ARFGEF1: variants seen among roughly 807,000 people sequenced by gnomAD.
ARFGEF1 encodes the protein ARF guanine nucleotide exchange factor 1.
A neutral mutation model predicts 231.0 loss-of-function variants in ARFGEF1; 42 were observed. The ratio of observed to expected loss-of-function variants is 0.18; its 90% CI spans 0.14 to 0.24. ARFGEF1 has a LOEUF of 0.24. Ranked by LOEUF, ARFGEF1 falls within the 10% of genes least tolerant of loss-of-function variation. ARFGEF1 has a pLI of 1.00. For missense variants in ARFGEF1, 1,345 were observed against 2,192.0 expected (o/e 0.61, Z 7.72); for synonymous variants, 710 against 732.3 (o/e 0.97, Z 0.49).
intron 1 of ARFGEF1, among the ~76,000 whole-genome samples, chr8:67,316,078 GAA>G (rs911930459): frequency 5.9e-5 from 9 of 152,152 alleles, no homozygotes; most frequent in African/African-American, 1.7e-4. Flanking sequence ...CCAACAAGAG[GAA>G]AGAAAAAATA....
intron 1 of ARFGEF1, among the ~76,000 whole-genome samples, chr8:67,341,840 G>A (rs888750952): frequency 1.3e-5 from 2 of 152,086 alleles, no homozygotes; most frequent in African/African-American, 4.8e-5. Context: ...ATAACAAAAT[G>A]CAAACTTCTG....
intron 5 of ARFGEF1, among the ~76,000 whole-genome samples, chr8:67,188,915 C>G (rs1387637354): frequency 1.3e-5 from 2 of 152,210 alleles, no homozygotes; most frequent in Non-Finnish European, 2.9e-5. Context: ...CCGCATGGCC[C>G]AAGATTCCAT....
chr8:67,315,801 C>T (rs749448415), intron 1 of ARFGEF1, among the ~76,000 whole-genome samples: 16 of 151,690 alleles, frequency 1.1e-4, no homozygotes, highest in South Asian at 2.1e-4. Context: ...AAAAATATAA[C>T]AAATTTTATG....
intron 7 of ARFGEF1, among the ~76,000 whole-genome samples, chr8:67,280,966 G>A (rs928683326): frequency 6.6e-6 from 1 of 151,844 alleles, no homozygotes; most frequent in African/African-American, 2.4e-5. Flanking sequence ...GTTCCAGTTA[G>A]TATAGTCAGT....
At chr8:67,228,805 C>G (rs898662731) in intron 23 of ARFGEF1, among the ~76,000 whole-genome samples, 1 of 152,038 alleles carries the variant, frequency 6.6e-6, no homozygotes, top group African/African-American at 2.4e-5. Flanking sequence ...TGGAGTTAAG[C>G]TAACACTGCC....
At position 67,216,472 on chromosome 8, in the gene ARFGEF1, CAG is replaced by C. The variant is rs546479113; in HGVS notation, c.4686+116_4686+117del. ...TGTCTATTTATAAGTAATCCAGTCT[CAG>C]ATATTTTTTTAATAGCAGGAATGGA... is the stretch of plus-strand genomic sequence containing the variant. On this transcript the variant is annotated intron_variant, in intron 33 of 38. Coordinates refer to ENST00000262215, the MANE Select transcript of ARFGEF1 (RefSeq NM_006421.5). 4.4e-6 allele frequency: 4 copies of C among 909,760 alleles called. No homozygotes were observed. In the East Asian group the frequency reaches 9.3e-5, roughly 21 times the overall value. 56.4% of individuals were successfully genotyped at this position (909,760 alleles called of 1,614,324 possible). A position where few individuals can be genotyped will look rare whatever the true frequency, so the allele number is the denominator to read the frequency against.
intron 22 of ARFGEF1, among the ~76,000 whole-genome samples, chr8:67,236,883 C>T (rs781425836): frequency 2.6e-5 from 4 of 152,246 alleles, no homozygotes; most frequent in African/African-American, 7.2e-5. Context: ...CTAAGTAGCA[C>T]AGTACATGAA....
intron 1 of ARFGEF1, among the ~76,000 whole-genome samples, chr8:67,312,554 C>G (rs1807123230): frequency 6.6e-6 from 1 of 152,106 alleles, no homozygotes; most frequent in South Asian, 2.1e-4. Context: ...CCTGTCACCA[C>G]AAGATCTGTC....
intron 16 of ARFGEF1, 126 bp from the exon 17 acceptor site, chr8:67,257,942 T>C (rs953840582): frequency 1.7e-6 from 2 of 1,195,240 alleles, no homozygotes; most frequent in Admixed American, 4.8e-5. Context: ...TTTTTATGGA[T>C]TTGTTTTACG....
At chr8:67,310,991 T>G (rs1243784900) in intron 1 of ARFGEF1, among the ~76,000 whole-genome samples, 36 of 63,122 alleles carry the variant, frequency 5.7e-4, no homozygotes, top group African/African-American at 7.0e-4. Context: ...GGTTGGGGGG[T>G]CAGCCCCCCG....
At chr8:67,310,685 T>C (rs932427354) in intron 1 of ARFGEF1, among the ~76,000 whole-genome samples, 49 of 143,262 alleles carry the variant, frequency 3.4e-4, no homozygotes, top group African/African-American at 1.2e-3. Context: ...TCGTCTGAGA[T>C]GTGGGGAGCG....
At chr8:67,194,614 TCC>T (rs1837367895), downstream of ARFGEF1, among the ~76,000 whole-genome samples, 1 of 151,986 alleles carries the variant, frequency 6.6e-6, no homozygotes. Flanking sequence ...TTTAACATTG[TCC>T]TTTCAAACAG....
rs768699304 is a variant in ARFGEF1, at chr8:67,343,309, G to A, written c.-22C>T. On this transcript the variant is annotated 5_prime_UTR_variant, in exon 1 of 39. Transcript: ENST00000262215. The stretch of plus-strand genomic sequence containing the variant: ...ACATGGACGCAGAGAAGGAGGCGGC[G>A]GCTCGTCCGACCCGCGGCTCCCAGC... 8 of 1,610,844 alleles carry A rather than the reference G, an allele frequency of 5.0e-6. No individual in the cohort carries two copies. Among genetic ancestry groups the A allele is most frequent in the South Asian group, 2.2e-5 (2 of 90,918 alleles).
downstream of ARFGEF1, chr8:67,193,314 C>T (rs547579948): frequency 2.2e-5 from 12 of 533,864 alleles, no homozygotes; most frequent in Non-Finnish European, 4.0e-5. Context: ...CCAGGCTGGT[C>T]TTGAACTCCT....
intron 38 of ARFGEF1, chr8:67,199,838 T>C (rs1838260295): frequency 5.8e-6 from 1 of 172,472 alleles, no homozygotes; most frequent in African/African-American, 2.4e-5. Flanking sequence ...TTTCTAAGAA[T>C]AGAGTGTACA....
At chr8:67,297,650 A>ATTGGGTTACTTCCAATTTC (rs1355190752) in intron 4 of ARFGEF1, among the ~76,000 whole-genome samples, 1 of 152,216 alleles carries the variant, frequency 6.6e-6, no homozygotes, top group Non-Finnish European at 1.5e-5. Flanking sequence ...ATTTTCACAT[A>ATTGGGTTACTTCCAATTTC]TTGGGTTACT....
At chr8:67,179,112 G>A (rs1309573758) in intron 5 of ARFGEF1, among the ~76,000 whole-genome samples, 1 of 152,170 alleles carries the variant, frequency 6.6e-6, no homozygotes, top group Non-Finnish European at 1.5e-5. Context: ...TGGTAAGAAG[G>A]TGCAGGGAGG....
rs138000161 is a variant in ARFGEF1, at chr8:67,179,610, G to T, written c.561-4038C>A. ...GGGCAGGAAGGAGTGGAGCTAGGGA[G>T]TAAATGTGTTAGCTTGTAGAATCTG... On this transcript the variant is annotated intron_variant, in intron 5 of 5. Transcript: ENST00000518789. Among the ~76,000 whole-genome samples, 278 of 152,320 alleles carry T rather than the reference G, an allele frequency of 1.8e-3. 4 individuals are homozygous for T. Among genetic ancestry groups the T allele is most frequent in the African/African-American group, 6.5e-3 (269 of 41,562 alleles).
At position 67,251,465 on chromosome 8, in the gene ARFGEF1, A is replaced by G. The variant is rs1281138680; in HGVS notation, c.2699-15T>C. On this transcript the variant is annotated splice_polypyrimidine_tract_variant and intron_variant, in intron 18 of 38. Transcript: ENST00000262215. ...ACTGGCTACATCTGAAACAATAAAC[A>G]CTATCAGCATTTTAAATATAAAACA... 2 of 1,563,608 alleles carry G rather than the reference A, an allele frequency of 1.3e-6. No individual in the cohort carries two copies. Among genetic ancestry groups the G allele is most frequent in the Non-Finnish European group, 1.7e-6 (2 of 1,157,484 alleles).
Sources: allele counts gnomAD v4.1 joint callset (sites outside exome capture counted in the v4.1 genomes callset), GRCh38; gene constraint gnomAD v4.1.1; transcripts MANE v1.5; gene names NCBI Gene and HGNC (gene_info 2026-07-23, HGNC 2026-07-21).